The following MLH3 variants were observed in gnomAD, a reference collection of about 807,000 sequenced individuals.
MLH3 encodes mutL homolog 3.
Under a neutral mutation model 122.2 loss-of-function variants are expected in MLH3, and 82 were observed. The observed-to-expected ratio is 0.67, with a 90% confidence interval of 0.56 to 0.81. MLH3 has a LOEUF of 0.81. Among genes scored for constraint, MLH3 ranks in the 30% least tolerant of loss-of-function variants. The pLI is 0.00. For synonymous variants in MLH3, 524 were observed against 599.5 expected (o/e 0.87, Z 1.84); for missense variants, 1,539 against 1,714.5 (o/e 0.90, Z 1.81).
At position 75,018,951 on chromosome 14, in the gene MLH3, A is replaced by G; in HGVS notation, c.4120T>C (p.Leu1374=). The stretch of plus-strand genomic sequence containing the variant: ...TCAATAAGGCGGCAACTTTCCTGTA[A>G]GCTCAGGCCATCATTAAACTTAATG... ...GAIKFNDGLS[L]QESCRLIEAL... The change falls in exon 12 of 13, where the codon TTA becomes CTA. Residue 1374 remains leucine, a synonymous_variant. Transcript: ENST00000355774. 6.2e-7 allele frequency: 1 copy of G among 1,614,210 alleles called. No homozygotes were observed. The highest frequency in any genetic ancestry group is 1.1e-5 in the South Asian group (1 of 91,086).
intron 9 of MLH3, among the ~76,000 whole-genome samples, chr14:75,027,759 T>A (rs1426721525): frequency 6.7e-6 from 1 of 149,672 alleles, no homozygotes; most frequent in Non-Finnish European, 1.5e-5. Flanking sequence ...TGGTGAACAC[T>A]TTTTTTAATC....
At chr14:75,030,216 C>A (rs1447716340) in intron 9 of MLH3, among the ~76,000 whole-genome samples, 1 of 152,154 alleles carries the variant, frequency 6.6e-6, no homozygotes, top group Non-Finnish European at 1.5e-5. Flanking sequence ...GACTTCACCT[C>A]CCCAGGCACA....
chr14:75,023,002 TG>T lies in MLH3; in HGVS notation c.4003del (p.Gln1335AsnfsTer17). The stretch of plus-strand genomic sequence containing the variant: ...AATAAAGGAAAAGCTTACCTCCAGT[TG>T]TTCTCGGATAAATTCCTGCAAAGCA... Reference protein sequence around the residue: ...KSIVEEFIREQLELLQTTGGI... With the variant: ...KSIVEEFIREXLELLQTTGGI... On this transcript the variant is annotated frameshift_variant, in exon 10 of 13. Coordinates refer to ENST00000355774, the MANE Select transcript of MLH3 (RefSeq NM_001040108.2). LOFTEE classifies it high-confidence loss of function. 6.2e-7 allele frequency: 1 copy of T among 1,614,242 alleles called. No homozygotes were observed. Among genetic ancestry groups the T allele is most frequent in the Non-Finnish European group, 8.5e-7 (1 of 1,180,042 alleles).
chr14:75,027,664 T>TAAA (rs56986784), intron 9 of MLH3, among the ~76,000 whole-genome samples: 425 of 30,530 alleles, frequency 0.014, 8 homozygotes, highest in African/African-American at 0.039. Flanking sequence ...TTTACTTCAG[T>TAAA]AAAAAAAAAA....
At chr14:75,045,693 G>A (rs1164131458) in intron 2 of MLH3, among the ~76,000 whole-genome samples, 1 of 152,148 alleles carries the variant, frequency 6.6e-6, no homozygotes, top group Non-Finnish European at 1.5e-5. Flanking sequence ...AACAGGAAGG[G>A]AAAACAAGGT....
At chr14:75,040,140 A>G in intron 4 of MLH3, 125 bp from the exon 5 acceptor site, 3 of 575,288 alleles carry the variant, frequency 5.2e-6, no homozygotes, top group Non-Finnish European at 6.5e-6. Flanking sequence ...GGTTTAATTC[A>G]GGGAATTTAT....
At position 75,046,564 on chromosome 14, in the gene MLH3, C is replaced by A. The variant is rs991581740; in HGVS notation, c.3092G>T (p.Cys1031Phe). ...CGTGTTTGACTCTTCAGTTTCAGAA[C>A]AAGCTCTTGCTTTAGATTCCTCACT... The part of the protein sequence containing the change: ...FQSEESKARA[C>F]SETEESNTCC... Residue 1031 changes from cysteine to phenylalanine, a missense_variant, in exon 2 of 13, where the codon TGT becomes TTT. By Grantham distance (205) the Cys-to-Phe change is radical. Coordinates refer to ENST00000355774, the MANE Select transcript of MLH3 (RefSeq NM_001040108.2). The A allele has an allele frequency of 6.2e-7, 1 of 1,614,166 alleles. No homozygotes were observed. The highest frequency in any genetic ancestry group is 2.2e-5 in the East Asian group (1 of 44,880).
chr14:75,032,035 C>CAA, intron 8 of MLH3, 33 bp downstream of exon 8: 1 of 1,214,314 alleles, frequency 8.2e-7, no homozygotes, highest in South Asian at 1.2e-5. Context: ...AGAATTGATA[C>CAA]CATCAACATC....
intron 2 of MLH3, among the ~76,000 whole-genome samples, chr14:75,044,933 A>G (rs187928949): frequency 6.6e-6 from 1 of 152,330 alleles, no homozygotes; most frequent in Admixed American, 6.5e-5. Context: ...ATCACCTCCC[A>G]ACATCTGGCT....
At chr14:75,049,768 C>T in intron 1 of MLH3, 50 bp from the exon 2 acceptor site, 1 of 1,064,054 alleles carries the variant, frequency 9.4e-7, no homozygotes, top group East Asian at 2.6e-5. Context: ...TTTAGCATTA[C>T]ACAGCATTAT....
chr14:75,048,508 G>A lies in MLH3; in HGVS notation c.1148C>T (p.Thr383Ile), dbSNP rs1476030225. 20 of 1,613,342 alleles carry A rather than the reference G, an allele frequency of 1.2e-5. No individual in the cohort carries two copies. The highest frequency in any genetic ancestry group is 1.0e-5 in the Non-Finnish European group (12 of 1,179,822). ...LFDATLQKRV[T>I]SDERSNFQEA... ...CTGGAAATTGCTCCTCTCATCGGAA[G>A]TCACACGCTTCTGAAGAGTAGCATC... Residue 383 changes from threonine (T) to isoleucine (I), a missense_variant, in exon 2 of 13, where the codon ACT becomes ATT. Coordinates refer to ENST00000355774, the MANE Select transcript of MLH3 (RefSeq NM_001040108.2).
Position 75,048,698 on chromosome 14 carries a change from A to G in MLH3, c.958T>C (p.Cys320Arg). Reference protein sequence around the residue: ...VQCQFCEYDVCMEPAKTLIEF... With the variant: ...VQCQFCEYDVRMEPAKTLIEF... ...ATCAGAGTTTTGGCTGGCTCCATGC[A>G]CACATCATACTCACAGAATTGGCAC... is the stretch of plus-strand genomic sequence containing the variant. The change falls in exon 2 of 13, where the codon TGC becomes CGC. Residue 320 changes from cysteine to arginine, a missense_variant. Coordinates refer to ENST00000355774, the MANE Select transcript of MLH3 (RefSeq NM_001040108.2). 4.3e-6 allele frequency: 7 copies of G among 1,614,188 alleles called. No homozygotes were observed. Among genetic ancestry groups the G allele is most frequent in the Non-Finnish European group, 5.9e-6 (7 of 1,180,022 alleles).
chr14:75,025,039 A>C (rs1890540388), intron 9 of MLH3, among the ~76,000 whole-genome samples: 1 of 152,208 alleles, frequency 6.6e-6, no homozygotes, highest in Non-Finnish European at 1.5e-5. Flanking sequence ...CAAAGCCAAG[A>C]TGACCCAAGA....
intron 8 of MLH3, among the ~76,000 whole-genome samples, 171 bp downstream of exon 8, chr14:75,031,897 G>A (rs887900693): frequency 6.6e-6 from 1 of 152,164 alleles, no homozygotes; most frequent in African/African-American, 2.4e-5. Flanking sequence ...GGAGTCAGAC[G>A]ACCTGCCTTT....
chr14:75,033,751 T>A (rs1421371040), intron 6 of MLH3, among the ~76,000 whole-genome samples: 1 of 152,242 alleles, frequency 6.6e-6, no homozygotes, highest in Non-Finnish European at 1.5e-5. Flanking sequence ...TTTATACTCT[T>A]GCCCCCACCC....
chr14:75,037,373 A>G (rs185491513), intron 6 of MLH3, among the ~76,000 whole-genome samples: 110 of 152,274 alleles, frequency 7.2e-4, no homozygotes, highest in Non-Finnish European at 1.3e-3. Context: ...TAGAACTAAA[A>G]TTTTATGTTT....
chr14:75,035,062 C>CAAAAAAAAAA (rs36096670), intron 6 of MLH3, among the ~76,000 whole-genome samples: 3 of 40,252 alleles, frequency 7.5e-5, no homozygotes, highest in Non-Finnish European at 1.3e-4. Flanking sequence ...GACTCCATCT[C>CAAAAAAAAAA]AAAAAAAAAA....
intron 11 of MLH3, 106 bp from the exon 12 acceptor site, chr14:75,019,086 C>T: frequency 9.5e-7 from 1 of 1,047,418 alleles, no homozygotes; most frequent in Non-Finnish European, 1.4e-6. Flanking sequence ...GTTTCTTAGG[C>T]TTCTTTAATG....
chr14:75,049,594 G>T lies in MLH3; in HGVS notation c.62C>A (p.Ser21Tyr). Reference protein sequence around the residue: ...AKLRSGLAISSLGQCVEELAL... With the variant: ...AKLRSGLAISYLGQCVEELAL... The stretch of plus-strand genomic sequence containing the variant: ...AAGTTCCTCAACACATTGGCCCAAG[G>T]AGCTTATGGCCAAACCAGAACGCAA... Residue 21 changes from serine to tyrosine, a missense_variant, in exon 2 of 13, where the codon TCC becomes TAC. By Grantham distance (144) the Ser-to-Tyr change is moderately radical (BLOSUM62 -2). Transcript: ENST00000355774. 6.2e-7 allele frequency: 1 copy of T among 1,614,134 alleles called. No individual in the cohort carries two copies. Among genetic ancestry groups the T allele is most frequent in the Non-Finnish European group, 8.5e-7 (1 of 1,180,022 alleles).
Sources: gnomAD v4.1 joint callset for allele counts (sites outside exome capture counted in the v4.1 genomes callset) on GRCh38, gnomAD v4.1.1 for gene constraint, MANE v1.5 for transcripts, NCBI Gene and HGNC (gene_info 2026-07-23, HGNC 2026-07-21) for gene names.